PAIP2B: variants seen among roughly 807,000 people sequenced by gnomAD.
The protein encoded by PAIP2B is polyadenylate-binding protein-interacting protein 2B.
In PAIP2B, 13 loss-of-function variants were observed where a neutral mutation model predicts 17.0. The ratio of observed to expected loss-of-function variants is 0.76; its 90% CI spans 0.50 to 1.22. PAIP2B has a LOEUF of 1.22. PAIP2B is among the 50% of genes most tolerant of loss of function. The probability of loss-of-function intolerance (pLI) is 0.00; values close to 1 mark genes in which losing one functional copy is unlikely to be tolerated. For synonymous variants in PAIP2B, 43 were observed against 48.7 expected, an observed-to-expected ratio of 0.88 and a Z score of 0.48; for missense variants, 117 against 144.5, an observed-to-expected ratio of 0.81 and a Z score of 0.98.
intron 2 of PAIP2B, among the ~76,000 whole-genome samples, chr2:71,191,548 T>A (rs1192403874): frequency 6.6e-6 from 1 of 152,250 alleles, no homozygotes; most frequent in African/African-American, 2.4e-5. Context: ...GTCTGTCCCC[T>A]TTAAACTTGT....
chr2:71,189,092 G>A (rs755390068), intron 3 of PAIP2B, among the ~76,000 whole-genome samples: 35 of 142,916 alleles, frequency 2.4e-4, no homozygotes, highest in Non-Finnish European at 1.0e-4. Context: ...TGCAAACTCC[G>A]CCTCCCTCTG....
At chr2:71,191,509 C>T (rs757640899) in intron 2 of PAIP2B, among the ~76,000 whole-genome samples, 2 of 152,178 alleles carry the variant, frequency 1.3e-5, no homozygotes, top group African/African-American at 2.4e-5. Flanking sequence ...ACACAGATCC[C>T]GACAGAGCCA....
chr2:71,188,434 C>T lies in PAIP2B; in HGVS notation c.*45G>A, dbSNP rs751430113. On this transcript the variant is annotated 3_prime_UTR_variant, in exon 4 of 4. Transcript: ENST00000244221. Reference sequence around the variant, plus strand: ...GCTCCACCATTTTGTGCATTACTATCCCCAGATGTGGGGACAGACAAGTCT... The same window carrying T: ...GCTCCACCATTTTGTGCATTACTATTCCCAGATGTGGGGACAGACAAGTCT... 7.6e-7 allele frequency: 1 copy of T among 1,310,792 alleles called. No homozygotes were observed. Among genetic ancestry groups the T allele is most frequent in the Non-Finnish European group, 1.0e-6 (1 of 957,638 alleles). 81.2% of individuals were successfully genotyped at this position (1,310,792 alleles called of 1,614,324 possible).
chr2:71,200,880 C>T (rs538804335), intron 2 of PAIP2B, among the ~76,000 whole-genome samples: 21 of 152,244 alleles, frequency 1.4e-4, no homozygotes, highest in Non-Finnish European at 2.9e-4. Flanking sequence ...CTTCTTAAGG[C>T]CTGGTATTTA....
chr2:71,198,705 G>GCCA (rs1388109982), intron 2 of PAIP2B, among the ~76,000 whole-genome samples: 3 of 152,212 alleles, frequency 2.0e-5, no homozygotes, highest in Non-Finnish European at 4.4e-5. Flanking sequence ...ACAGGTGTGA[G>GCCA]CCACCATGCC....
rs1344774726 is a variant in PAIP2B, at chr2:71,186,637, T to C, written c.*1842A>G. 3.3e-5 allele frequency: 5 copies of C among 152,248 alleles called. No homozygotes were observed. Among genetic ancestry groups the C allele is most frequent in the Non-Finnish European group, 7.3e-5 (5 of 68,050 alleles). The allele number at this position is 152,248 out of a possible 1,614,324, so 9.4% of individuals were successfully genotyped here. ...TGCACTTGCAATGCCCTTTCCCTTT[T>C]AGAGGAAACAACCCAGCTGAAAGCT... On this transcript the variant is annotated 3_prime_UTR_variant, in exon 4 of 4. Transcript: ENST00000244221.
chr2:71,190,602 A>T (rs1674664181), intron 2 of PAIP2B, among the ~76,000 whole-genome samples: 1 of 152,238 alleles, frequency 6.6e-6, no homozygotes. Flanking sequence ...ACAGAAATTC[A>T]AGGTCTCCGC....
chr2:71,184,911 A>G lies in PAIP2B; in HGVS notation c.*3568T>C, dbSNP rs1164189358. 1 of 152,122 alleles carries G rather than the reference A, an allele frequency of 6.6e-6. No individual in the cohort carries two copies. The highest frequency in any genetic ancestry group is 2.4e-5 in the African/African-American group (1 of 41,418). The allele number at this position is 152,122 out of a possible 1,614,324, so 9.4% of individuals were successfully genotyped here. On this transcript the variant is annotated 3_prime_UTR_variant, in exon 4 of 4. Coordinates refer to ENST00000244221, the MANE Select transcript of PAIP2B (RefSeq NM_020459.1). ...TTTCTAACAGTTTCAATACCTCAAT[A>G]TCACCTAAACTGAGAAAGATTATTA...
chr2:71,194,703 T>G (rs1674773893), intron 2 of PAIP2B, among the ~76,000 whole-genome samples: 1 of 152,250 alleles, frequency 6.6e-6, no homozygotes, highest in Non-Finnish European at 1.5e-5. Flanking sequence ...TGACTTCCTC[T>G]CTTCCTATTT....
At chr2:71,201,862 A>C (rs1447064909) in intron 2 of PAIP2B, among the ~76,000 whole-genome samples, 1 of 152,190 alleles carries the variant, frequency 6.6e-6, no homozygotes, top group Non-Finnish European at 1.5e-5. Flanking sequence ...GAGTTATAGA[A>C]CCACTGGGCT....
At chr2:71,212,627 C>T (rs1434168154) in intron 1 of PAIP2B, among the ~76,000 whole-genome samples, 1 of 152,106 alleles carries the variant, frequency 6.6e-6, no homozygotes, top group African/African-American at 2.4e-5. Flanking sequence ...AAAACACTTA[C>T]TTATATTTTT....
intron 2 of PAIP2B, among the ~76,000 whole-genome samples, chr2:71,191,182 G>A (rs955441889): frequency 1.3e-5 from 2 of 152,052 alleles, no homozygotes; most frequent in Non-Finnish European, 2.9e-5. Flanking sequence ...CCAGAAATGA[G>A]GTCAAGCAAA....
At chr2:71,209,635 C>G (rs1293928719) in intron 1 of PAIP2B, among the ~76,000 whole-genome samples, 1 of 152,156 alleles carries the variant, frequency 6.6e-6, no homozygotes, top group Non-Finnish European at 1.5e-5. Flanking sequence ...TTATACCCCC[C>G]AAGTGTAAGT....
chr2:71,193,294 T>C (rs1674733819), intron 2 of PAIP2B, among the ~76,000 whole-genome samples: 1 of 152,128 alleles, frequency 6.6e-6, no homozygotes, highest in African/African-American at 2.4e-5. Flanking sequence ...GGGGTTGTTT[T>C]TCTCTTGTAA....
Position 71,189,872 on chromosome 2 carries a change from A to T in PAIP2B, c.288T>A (p.Ser96Arg). 1 of 1,558,952 alleles carries T rather than the reference A, an allele frequency of 6.4e-7. No homozygotes were observed. The highest frequency in any genetic ancestry group is 8.7e-7 in the Non-Finnish European group (1 of 1,150,998). ...LQQQLNGLSV[S>R]EGHDSEDILS... Reference sequence around the variant, plus strand: ...AAATATCTTCAGAATCATGACCTTCACTGACTGACAGTCCATTTAACTGCT... The same window carrying T: ...AAATATCTTCAGAATCATGACCTTCTCTGACTGACAGTCCATTTAACTGCT... Residue 96 changes from serine to arginine, a missense_variant, in exon 3 of 4, where the codon AGT becomes AGA. Physicochemically the swap from Ser to Arg is moderately radical, Grantham distance 110 (BLOSUM62 -1). Transcript: ENST00000244221.
chr2:71,194,693 T>G (rs1355946665), intron 2 of PAIP2B, among the ~76,000 whole-genome samples: 1 of 152,232 alleles, frequency 6.6e-6, no homozygotes, highest in Admixed American at 6.5e-5. Context: ...AGATATAGTA[T>G]GACTTCCTCT....
intron 1 of PAIP2B, among the ~76,000 whole-genome samples, chr2:71,224,684 C>A (rs1029264051): frequency 9.2e-5 from 14 of 152,172 alleles, no homozygotes; most frequent in African/African-American, 3.4e-4. Flanking sequence ...ACAGTGCCAT[C>A]GTGCTTCTCT....
At chr2:71,193,024 ATGGCT>A (rs1337663681) in intron 2 of PAIP2B, among the ~76,000 whole-genome samples, 1 of 152,174 alleles carries the variant, frequency 6.6e-6, no homozygotes, top group Non-Finnish European at 1.5e-5. Context: ...GCTTTCCACA[ATGGCT>A]GAAGTAATTT....
chr2:71,212,149 C>T (rs1675317580), intron 1 of PAIP2B, among the ~76,000 whole-genome samples: 1 of 152,218 alleles, frequency 6.6e-6, no homozygotes, highest in South Asian at 2.1e-4. Context: ...CAACAAGTGT[C>T]TCCATACATT....
Sources: gnomAD v4.1 joint callset for allele counts (sites outside exome capture counted in the v4.1 genomes callset) on GRCh38, gnomAD v4.1.1 for gene constraint, MANE v1.5 for transcripts, NCBI Gene and HGNC (gene_info 2026-07-23, HGNC 2026-07-21) for gene names.